Variants in ZNF248 observed in about 807,000 individuals in gnomAD.
ZNF248 encodes zinc finger protein 248.
ZNF248 carries 20 observed loss-of-function variants against 44.3 expected under a neutral mutation model. The observed-to-expected ratio is 0.45, with a 90% confidence interval of 0.32 to 0.66. The LOEUF is 0.66. Ranked by LOEUF, ZNF248 falls within the 30% of genes least tolerant of loss-of-function variation. The pLI, the probability that ZNF248 is intolerant of heterozygous loss-of-function variation, is 0.04. For synonymous variants in ZNF248, 224 were observed against 229.0 expected (o/e 0.98, Z 0.20); for missense variants, 654 against 677.0 (o/e 0.97, Z 0.38).
At chr10:37,825,984 T>C, downstream of ZNF248, among the ~76,000 whole-genome samples, 1 of 151,982 alleles carries the variant, frequency 6.6e-6, no homozygotes, top group East Asian at 1.9e-4. Flanking sequence ...ATAATGTTCA[T>C]TTGTAAGAGT....
At chr10:37,818,469 G>GA (rs1706803621) in intron 6 of ZNF248, 1 of 203,154 alleles carries the variant, frequency 4.9e-6, no homozygotes, top group Non-Finnish European at 1.0e-5. Context: ...CAGTGGATGG[G>GA]AAAAAAGCAA....
At chr10:37,826,241 T>C (rs1304500715), downstream of ZNF248, among the ~76,000 whole-genome samples, 2 of 152,176 alleles carry the variant, frequency 1.3e-5, no homozygotes, top group Non-Finnish European at 2.9e-5. Context: ...CAAAAGTCCC[T>C]GGTAAAACTA....
At chr10:37,824,673 A>ATTTTTTTTTTTTTTTTTTTT (rs755411927), downstream of ZNF248, among the ~76,000 whole-genome samples, 87 of 79,726 alleles carry the variant, frequency 1.1e-3, 16 homozygotes, top group African/African-American at 2.0e-3. Context: ...ATTATTTTAA[A>ATTTTTTTTTTTTTTTTTTTT]TTTTTTTTTT....
chr10:37,842,194 G>C (rs1327039477), intron 3 of ZNF248, among the ~76,000 whole-genome samples: 1 of 152,046 alleles, frequency 6.6e-6, no homozygotes, highest in African/African-American at 2.4e-5. Flanking sequence ...CTCTCCTAAA[G>C]CAGAAAGTTT....
At chr10:37,772,451 G>A (rs906861638), downstream of ZNF248, among the ~76,000 whole-genome samples, 14 of 152,100 alleles carry the variant, frequency 9.2e-5, no homozygotes, top group Admixed American at 9.2e-4. Flanking sequence ...TGGACTAGCC[G>A]AGGAAACACC....
the ZNF248 span, among the ~76,000 whole-genome samples, chr10:37,770,080 C>G: frequency 2.0e-3 from 302 of 152,212 alleles, no homozygotes; most frequent in Non-Finnish European, 3.6e-3. Flanking sequence ...TGTGAAGGAC[C>G]TCTTCAAGGA....
At chr10:37,814,491 T>C (rs2133467065) in intron 6 of ZNF248, among the ~76,000 whole-genome samples, 1 of 152,370 alleles carries the variant, frequency 6.6e-6, no homozygotes, top group South Asian at 2.1e-4. Flanking sequence ...TTCATTTCTT[T>C]TATGGCATTA....
rs1346852317 is a variant in ZNF248 at position 37,832,383 on chromosome 10, G to A, written c.972C>T (p.Leu324=). The A allele has an allele frequency of 6.2e-7, 1 of 1,613,944 alleles. No homozygotes were observed. The change falls in exon 6 of 6, where the codon CTC becomes CTT. Residue 324 remains leucine (L), a synonymous_variant. Coordinates refer to ENST00000395867, the MANE Select transcript of ZNF248 (RefSeq NM_021045.3). ...IHQGAYTRKI[L]REYKVSDKTW... is the part of the protein sequence containing the mutation. ...TTTTGTCACTCACTTTATATTCACG[G>A]AGAATCTTTCTTGTGTAAGCTCCCT...
downstream of ZNF248, among the ~76,000 whole-genome samples, chr10:37,824,673 A>ATTTTCTTTT (rs2054065759): frequency 1.3e-5 from 1 of 79,704 alleles, no homozygotes; most frequent in Non-Finnish European, 2.1e-5. Flanking sequence ...ATTATTTTAA[A>ATTTTCTTTT]TTTTTTTTTT....
At chr10:37,809,693 T>C (rs2051189827) in intron 6 of ZNF248, among the ~76,000 whole-genome samples, 1 of 152,174 alleles carries the variant, frequency 6.6e-6, no homozygotes, top group Admixed American at 6.5e-5. Context: ...TAGCACAACT[T>C]TTGCTGCATC....
At chr10:37,815,876 C>G (rs2052363055) in intron 6 of ZNF248, among the ~76,000 whole-genome samples, 1 of 151,780 alleles carries the variant, frequency 6.6e-6, no homozygotes, top group African/African-American at 2.4e-5. Flanking sequence ...TTAAGCTCTT[C>G]TGAGGTCACT....
intron 3 of ZNF248, among the ~76,000 whole-genome samples, chr10:37,853,097 G>C (rs1017081619): frequency 6.6e-6 from 1 of 151,528 alleles, no homozygotes; most frequent in Non-Finnish European, 1.5e-5. Context: ...GCCCGCCTTG[G>C]CCTCCCAAAG....
At chr10:37,788,992 C>T (rs1156554108) in intron 6 of ZNF248, among the ~76,000 whole-genome samples, 2 of 152,098 alleles carry the variant, frequency 1.3e-5, no homozygotes, top group Non-Finnish European at 2.9e-5. Flanking sequence ...CCACCTCAGC[C>T]TCCTAAGCAG....
chr10:37,835,226 T>C (rs1289190951), intron 5 of ZNF248, among the ~76,000 whole-genome samples: 2 of 152,292 alleles, frequency 1.3e-5, no homozygotes, highest in South Asian at 2.1e-4. Flanking sequence ...TTTTGAGTTA[T>C]ATCAGTGAAA....
At chr10:37,837,170 G>A (rs1002450059) in intron 5 of ZNF248, among the ~76,000 whole-genome samples, 3 of 151,752 alleles carry the variant, frequency 2.0e-5, no homozygotes, top group Non-Finnish European at 4.4e-5. Context: ...CTGGAGTACA[G>A]TGGCACAATC....
At chr10:37,824,848 A>ATTTT (rs36011714), downstream of ZNF248, among the ~76,000 whole-genome samples, 1 of 115,200 alleles carries the variant, frequency 8.7e-6, no homozygotes, top group Non-Finnish European at 1.8e-5. Context: ...CACCCAGCTG[A>ATTTT]TTTTTTTTTT....
At chr10:37,800,485 T>C (rs1181975753) in intron 6 of ZNF248, among the ~76,000 whole-genome samples, 2 of 152,244 alleles carry the variant, frequency 1.3e-5, no homozygotes, top group African/African-American at 4.8e-5. Flanking sequence ...TTTCATGGTG[T>C]ATATGTACAA....
chr10:37,831,242 C>G lies in ZNF248; in HGVS notation c.*373G>C. ...TATTTGCATACTCACATAAGGTCTACAAACATCGGGGACTCTTCACATATA... is the reference window on the plus strand; with the variant it reads ...TATTTGCATACTCACATAAGGTCTAGAAACATCGGGGACTCTTCACATATA... On this transcript the variant is annotated 3_prime_UTR_variant, in exon 6 of 6. Transcript: ENST00000395867. The G allele has an allele frequency of 6.5e-7, 1 of 1,548,788 alleles. No homozygotes were observed. The highest frequency in any genetic ancestry group is 8.7e-7 in the Non-Finnish European group (1 of 1,145,972).
rs2055086196 is a variant in ZNF248, at chr10:37,829,641, T to C, written c.*1974A>G. On this transcript the variant is annotated 3_prime_UTR_variant, in exon 6 of 6. Coordinates refer to ENST00000395867, the MANE Select transcript of ZNF248 (RefSeq NM_021045.3). ...CAGAGTAGCTCGGCAACGTCACCTC[T>C]GAGCTGGCTTTTCCCACCTTGTGCA... 6.1e-6 allele frequency: 6 copies of C among 985,436 alleles called. No homozygotes were observed. Among genetic ancestry groups the C allele is most frequent in the Admixed American group, 6.1e-5 (1 of 16,278 alleles). The allele number at this position is 985,436 out of a possible 1,614,324, so 61.0% of individuals were successfully genotyped here.
Sources: allele counts gnomAD v4.1 joint callset (sites outside exome capture counted in the v4.1 genomes callset), GRCh38; gene constraint gnomAD v4.1.1; transcripts MANE v1.5; gene names NCBI Gene and HGNC (gene_info 2026-07-23, HGNC 2026-07-21).